The following SLC24A2 variants were observed in gnomAD, a reference collection of about 807,000 sequenced individuals.
SLC24A2 encodes sodium/potassium/calcium exchanger 2.
SLC24A2 carries 36 observed loss-of-function variants against 62.0 expected under a neutral mutation model. The observed-to-expected ratio is 0.58, with a 90% CI of 0.44 to 0.77. The LOEUF (loss-of-function observed/expected upper bound fraction) is 0.77. SLC24A2 is among the 30% of genes least tolerant of loss of function. The pLI is 0.00. For missense variants in SLC24A2, 846 were observed against 817.9 expected (o/e 1.03, Z -0.42); for synonymous variants, 358 against 294.0 (o/e 1.22, Z -2.23).
chr9:20,125,364 C>T, the SLC24A2 span, among the ~76,000 whole-genome samples: 33,823 of 152,074 alleles, frequency 0.22, 4,243 homozygotes, highest in East Asian at 0.58. Context: ...AATTGCAAAA[C>T]TAGAATTTGA....
At chr9:19,852,047 A>C in the SLC24A2 span, among the ~76,000 whole-genome samples, 2 of 152,166 alleles carry the variant, frequency 1.3e-5, no homozygotes, top group South Asian at 2.1e-4. Flanking sequence ...ATAGTATCTC[A>C]TTGTGGTTTT....
chr9:20,103,786 G>C, the SLC24A2 span, among the ~76,000 whole-genome samples: 4 of 151,842 alleles, frequency 2.6e-5, no homozygotes, highest in Admixed American at 6.6e-5. Flanking sequence ...CTAAAAAGCA[G>C]AGCGCCCCTC....
the SLC24A2 span, among the ~76,000 whole-genome samples, chr9:20,284,396 A>G: frequency 1.3e-5 from 2 of 151,816 alleles, no homozygotes; most frequent in Non-Finnish European, 2.9e-5. Context: ...TCCAGCCTCA[A>G]CCTCCCGAGT....
chr9:19,673,473 C>T (rs1819477926), intron 2 of SLC24A2, among the ~76,000 whole-genome samples: 1 of 113,040 alleles, frequency 8.8e-6, no homozygotes, highest in African/African-American at 4.5e-5. Context: ...GTTTGAGACA[C>T]AGTCTTGCTC....
the SLC24A2 span, among the ~76,000 whole-genome samples, chr9:19,965,329 G>C: frequency 2.0e-5 from 3 of 152,244 alleles, no homozygotes; most frequent in South Asian, 4.2e-4. Flanking sequence ...GTCCCTTTTA[G>C]TTACTGAATT....
intron 6 of SLC24A2, among the ~76,000 whole-genome samples, chr9:19,575,707 G>A (rs901866681): frequency 2.0e-5 from 3 of 152,142 alleles, no homozygotes; most frequent in African/African-American, 4.8e-5. Flanking sequence ...TTAAATCCAA[G>A]TCTAAGGTTG....
At chr9:19,636,373 T>C (rs1454769637) in intron 2 of SLC24A2, among the ~76,000 whole-genome samples, 4 of 29,562 alleles carry the variant, frequency 1.4e-4, no homozygotes, top group African/African-American at 6.1e-4. Flanking sequence ...CTTTCTTTCT[T>C]TCTTTCTTTC....
chr9:20,161,513 A>G, the SLC24A2 span, among the ~76,000 whole-genome samples: 1 of 151,554 alleles, frequency 6.6e-6, no homozygotes, highest in East Asian at 2.0e-4. Flanking sequence ...ATACCTCATT[A>G]AGAAAATATA....
At chr9:20,085,635 T>C in the SLC24A2 span, among the ~76,000 whole-genome samples, 546 of 152,350 alleles carry the variant, frequency 3.6e-3, 2 homozygotes, top group Non-Finnish European at 5.6e-3. Context: ...ACCATCTCAC[T>C]GTTACAGCTA....
intron 2 of SLC24A2, among the ~76,000 whole-genome samples, chr9:19,776,696 A>AG (rs2118912089): frequency 6.6e-6 from 1 of 152,364 alleles, no homozygotes; most frequent in Admixed American, 6.5e-5. Context: ...AAATCATTTG[A>AG]GAAAAACTAC....
chr9:20,211,537 T>C, the SLC24A2 span, among the ~76,000 whole-genome samples: 1 of 152,094 alleles, frequency 6.6e-6, no homozygotes, highest in East Asian at 1.9e-4. Context: ...ACAATAATAA[T>C]ACATGTTAAT....
At chr9:19,977,477 G>T in the SLC24A2 span, among the ~76,000 whole-genome samples, 1 of 152,056 alleles carries the variant, frequency 6.6e-6, no homozygotes, top group Non-Finnish European at 1.5e-5. Context: ...TAGAGAGAAT[G>T]ATGGCCTTTT....
intron 4 of SLC24A2, among the ~76,000 whole-genome samples, chr9:19,618,388 C>T (rs372711779): frequency 6.6e-6 from 1 of 152,118 alleles, no homozygotes; most frequent in African/African-American, 2.4e-5. Flanking sequence ...GTAAACAGAT[C>T]CCAGGACCTG....
At chr9:20,154,025 A>G in the SLC24A2 span, among the ~76,000 whole-genome samples, 1 of 151,872 alleles carries the variant, frequency 6.6e-6, no homozygotes, top group Non-Finnish European at 1.5e-5. Flanking sequence ...ATTTCTTGGG[A>G]AAGTTCTAAA....
chr9:19,905,784 T>C, the SLC24A2 span, among the ~76,000 whole-genome samples: 3,598 of 152,172 alleles, frequency 0.024, 75 homozygotes, highest in Non-Finnish European at 0.039. Flanking sequence ...GATCTGCAAA[T>C]TAAACTAACA....
At chr9:20,091,926 G>T in the SLC24A2 span, among the ~76,000 whole-genome samples, 1 of 152,272 alleles carries the variant, frequency 6.6e-6, no homozygotes, top group Non-Finnish European at 1.5e-5. Flanking sequence ...AAATAATGAG[G>T]TCATGTCCTT....
At chr9:19,860,083 G>A in the SLC24A2 span, among the ~76,000 whole-genome samples, 1 of 152,156 alleles carries the variant, frequency 6.6e-6, no homozygotes, top group Non-Finnish European at 1.5e-5. Context: ...ATGGACTGGG[G>A]GAGCATGTGA....
intron 6 of SLC24A2, among the ~76,000 whole-genome samples, chr9:19,574,893 T>TG (rs1030735920): frequency 1.3e-5 from 2 of 152,124 alleles, no homozygotes; most frequent in Non-Finnish European, 2.9e-5. Flanking sequence ...TCAGGGTTTC[T>TG]GGGGGTATCA....
the SLC24A2 span, among the ~76,000 whole-genome samples, chr9:20,046,338 G>A: frequency 3.3e-5 from 5 of 152,192 alleles, no homozygotes; most frequent in Non-Finnish European, 7.3e-5. Context: ...AGACCCAGAA[G>A]GTTTCTCTGT....
Sources: gnomAD v4.1 joint callset for allele counts (sites outside exome capture counted in the v4.1 genomes callset) on GRCh38, gnomAD v4.1.1 for gene constraint, MANE v1.5 for transcripts, NCBI Gene and HGNC (gene_info 2026-07-23, HGNC 2026-07-21) for gene names.